ZDHHC14: variants seen among roughly 807,000 people sequenced by gnomAD.
ZDHHC14 encodes zDHHC palmitoyltransferase 14.
ZDHHC14 carries 16 observed loss-of-function variants against 47.7 expected under a neutral mutation model. The observed-to-expected ratio is 0.34, with a 90% CI of 0.23 to 0.51. ZDHHC14 has a LOEUF of 0.51. ZDHHC14 is among the 20% of genes least tolerant of loss of function. ZDHHC14 has a pLI of 0.97. For missense variants in ZDHHC14, 515 were observed against 662.5 expected (o/e 0.78, Z 2.44); for synonymous variants, 293 against 278.9 (o/e 1.05, Z -0.50).
chr6:157,629,354 AACCCTTCATTAGC>A (rs1785567334), intron 4 of ZDHHC14: 1 of 152,226 alleles, frequency 6.6e-6, no homozygotes, highest in South Asian at 2.1e-4. Context: ...CCTGAAGCAT[AACCCTTCATTAGC>A]AAGTCCGTAG....
At chr6:157,670,999 T>C (rs572201168) in intron 8 of ZDHHC14, among the ~76,000 whole-genome samples, 63 of 152,280 alleles carry the variant, frequency 4.1e-4, no homozygotes, top group African/African-American at 1.4e-3. Flanking sequence ...TTGGGTGAAC[T>C]TCCTCCCTCC....
At chr6:157,558,717 A>T (rs1230193112) in intron 2 of ZDHHC14, among the ~76,000 whole-genome samples, 1 of 152,040 alleles carries the variant, frequency 6.6e-6, no homozygotes, top group Admixed American at 6.5e-5. Flanking sequence ...GGTTGTAAGG[A>T]GTCATTACTA....
At position 157,645,801 on chromosome 6, in the gene ZDHHC14, A is replaced by G; in HGVS notation, c.817A>G (p.Thr273Ala). Residue 273 changes from threonine (T) to alanine (A), a missense_variant, in exon 6 of 9, where the codon ACC becomes GCC. By Grantham distance (58) the Thr-to-Ala change is moderately conservative. This residue lies in a region of ZDHHC14 where 229 missense variants were observed against 351.5 expected (regional missense o/e 0.65). Coordinates refer to ENST00000359775, the MANE Select transcript of ZDHHC14 (RefSeq NM_024630.3). The stretch of plus-strand genomic sequence containing the variant: ...CATCGTTGGCCTCTCAGGATTCCAC[A>G]CCTACTTGATCAGCTCCAACCAGAC... The part of the protein sequence containing the change: ...WSIVGLSGFH[T>A]YLISSNQTTN... The G allele has an allele frequency of 3.1e-6, 5 of 1,614,020 alleles. No individual in the cohort carries two copies. The highest frequency in any genetic ancestry group is 1.1e-5 in the South Asian group (1 of 91,036).
intron 3 of ZDHHC14, among the ~76,000 whole-genome samples, chr6:157,593,369 A>C (rs1376529259): frequency 6.6e-6 from 1 of 152,136 alleles, no homozygotes; most frequent in African/African-American, 2.4e-5. Context: ...CAGCACAGGC[A>C]CGAGAATGGG....
At chr6:157,490,383 C>A (rs1158197870) in intron 1 of ZDHHC14, among the ~76,000 whole-genome samples, 3 of 152,152 alleles carry the variant, frequency 2.0e-5, no homozygotes, top group African/African-American at 7.2e-5. Flanking sequence ...CATACGGATG[C>A]ACACACTCCT....
chr6:157,421,237 C>T (rs1045219841), intron 1 of ZDHHC14, among the ~76,000 whole-genome samples: 5 of 151,866 alleles, frequency 3.3e-5, no homozygotes, highest in South Asian at 4.2e-4. Flanking sequence ...CGGTGGCTCA[C>T]GCTTGTAATC....
chr6:157,442,789 G>A (rs1367209248), intron 1 of ZDHHC14, among the ~76,000 whole-genome samples: 1 of 152,180 alleles, frequency 6.6e-6, no homozygotes, highest in East Asian at 1.9e-4. Flanking sequence ...CAGCAGGTAC[G>A]CTCTTAGAGG....
chr6:157,470,964 C>G (rs562083748), intron 1 of ZDHHC14, among the ~76,000 whole-genome samples: 13 of 152,258 alleles, frequency 8.5e-5, no homozygotes, highest in African/African-American at 2.6e-4. Context: ...TCAGACCTGG[C>G]CTGGAGAGCT....
chr6:157,644,766 C>T (rs997289928), intron 5 of ZDHHC14, among the ~76,000 whole-genome samples: 4 of 152,178 alleles, frequency 2.6e-5, no homozygotes, highest in African/African-American at 9.7e-5. Flanking sequence ...TGTAATGTAT[C>T]GATAGCGGAT....
chr6:157,495,154 A>G (rs1208249283), intron 1 of ZDHHC14, among the ~76,000 whole-genome samples: 1 of 152,020 alleles, frequency 6.6e-6, no homozygotes, highest in Non-Finnish European at 1.5e-5. Context: ...CTTCCCCTCA[A>G]AGCTTCCATC....
At chr6:157,588,078 G>A (rs1395671261) in intron 2 of ZDHHC14, among the ~76,000 whole-genome samples, 1 of 152,054 alleles carries the variant, frequency 6.6e-6, no homozygotes, top group Admixed American at 6.5e-5. Flanking sequence ...AACATATAGT[G>A]AAACCCTGTC....
chr6:157,628,298 C>T (rs746980177), intron 3 of ZDHHC14, 51 bp from the exon 4 acceptor site: 4 of 1,569,772 alleles, frequency 2.5e-6, no homozygotes, highest in African/African-American at 2.9e-5. Flanking sequence ...AGTAAAAAGA[C>T]ATTTTATTAA....
intron 1 of ZDHHC14, among the ~76,000 whole-genome samples, chr6:157,471,787 G>A (rs1043593327): frequency 6.6e-6 from 1 of 152,206 alleles, no homozygotes; most frequent in African/African-American, 2.4e-5. Context: ...GTTTTCTGGC[G>A]AGATACAGGG....
intron 3 of ZDHHC14, among the ~76,000 whole-genome samples, chr6:157,622,788 C>T (rs1007732033): frequency 5.3e-5 from 8 of 152,134 alleles, no homozygotes; most frequent in African/African-American, 7.2e-5. Flanking sequence ...GTTTTGCCCG[C>T]GTTTGCCAGT....
Position 157,633,947 on chromosome 6 carries a change from C to G in ZDHHC14, c.752+1065C>G, listed in dbSNP as rs543056747. 1.6e-4 allele frequency among the ~76,000 whole-genome samples: 25 copies of G among 152,272 alleles called. No homozygotes were observed. In the Middle Eastern group the frequency reaches 0.021, roughly 125 times the overall value. Reference sequence around the variant, plus strand: ...GGATTACAGGCATCAGCCACCACACCCAGCAAGGTAGGGATTTCTTAAGAA... The same window carrying G: ...GGATTACAGGCATCAGCCACCACACGCAGCAAGGTAGGGATTTCTTAAGAA... On this transcript the variant is annotated intron_variant, in intron 5 of 8. Transcript: ENST00000359775.
intron 5 of ZDHHC14, among the ~76,000 whole-genome samples, chr6:157,633,970 GA>G (rs1321911576): frequency 3.3e-5 from 5 of 152,278 alleles, no homozygotes; most frequent in Admixed American, 6.5e-5. Context: ...GATTTCTTAA[GA>G]ATGAAGAACT....
Position 157,653,637 on chromosome 6 carries a change from G to A in ZDHHC14, c.1068+10G>A, listed in dbSNP as rs377020287. ...GTCACAGAGTGACATGGTAGGAGTG[G>A]GGGCCACTGCTCCCTGCGAGGGCTT... On this transcript the variant is annotated intron_variant, in intron 8 of 8. Coordinates refer to ENST00000359775, the MANE Select transcript of ZDHHC14 (RefSeq NM_024630.3). 1.1e-5 allele frequency: 17 copies of A among 1,611,618 alleles called. No individual in the cohort carries two copies. Among genetic ancestry groups the A allele is most frequent in the Non-Finnish European group, 1.4e-5 (16 of 1,179,006 alleles).
chr6:157,635,291 C>T (rs571496925), intron 5 of ZDHHC14, among the ~76,000 whole-genome samples: 10 of 152,328 alleles, frequency 6.6e-5, no homozygotes, highest in African/African-American at 2.4e-4. Context: ...CCGCGCCCAG[C>T]CACTGCCTGG....
chr6:157,496,319 G>C (rs1402710089), intron 1 of ZDHHC14, among the ~76,000 whole-genome samples: 2 of 152,118 alleles, frequency 1.3e-5, no homozygotes, highest in African/African-American at 2.4e-5. Context: ...TGGGTATGGG[G>C]GTGGAGGTGT....
Sources: allele counts gnomAD v4.1 joint callset (sites outside exome capture counted in the v4.1 genomes callset), GRCh38; gene constraint gnomAD v4.1.1; regional missense constraint gnomAD v4.1.1; transcripts MANE v1.5; gene names NCBI Gene and HGNC (gene_info 2026-07-23, HGNC 2026-07-21).